The following RYR3 variants were observed in gnomAD, a reference collection of about 807,000 sequenced individuals.
The protein encoded by RYR3 is ryanodine receptor 3, also known as brain ryanodine receptor-calcium release channel.
In RYR3, 207 loss-of-function variants were observed where a neutral mutation model predicts 584.3. The ratio of observed to expected loss-of-function variants is 0.35; its 90% CI spans 0.32 to 0.40. The LOEUF (loss-of-function observed/expected upper bound fraction) is 0.40, where lower values mean the gene tolerates loss of function less well. RYR3 is among the 10% of genes least tolerant of loss of function. RYR3 has a pLI of 1.00. For missense variants in RYR3, 5,616 were observed against 6,089.2 expected, an observed-to-expected ratio of 0.92 and a Z score of 2.59; for synonymous variants, 2,416 against 2,248.5, an observed-to-expected ratio of 1.07 and a Z score of -2.11.
At position 33,311,188 on chromosome 15, in the gene RYR3, C is replaced by T. The variant is rs1305198604; in HGVS notation, c.51+92C>T. 13 of 997,138 alleles carry T rather than the reference C, an allele frequency of 1.3e-5. No individual in the cohort carries two copies. The highest frequency in any genetic ancestry group is 5.6e-5 in the South Asian group (2 of 35,984). 61.8% of individuals were successfully genotyped at this position (997,138 alleles called of 1,614,324 possible). ...GGCTGGCTGCGCTGCGCCGCGGTGC[C>T]GGGTGCCCGGTGCCGGGCGCTTTCT... On this transcript the variant is annotated intron_variant, in intron 1 of 103. Coordinates refer to ENST00000634891, the MANE Select transcript of RYR3 (RefSeq NM_001036.6). This position sits in a 1 kb window ranked among gnomAD's most constrained non-coding sequence, Gnocchi z 4.4.
At chr15:33,618,950 A>G (rs2060585203) in intron 19 of RYR3, among the ~76,000 whole-genome samples, 1 of 152,208 alleles carries the variant, frequency 6.6e-6, no homozygotes, top group Admixed American at 6.5e-5. Context: ...CTCAAAGACG[A>G]AGTTGAAAAT....
chr15:33,618,090 C>T (rs1293939239), intron 19 of RYR3, among the ~76,000 whole-genome samples: 1 of 152,074 alleles, frequency 6.6e-6, no homozygotes, highest in Admixed American at 6.6e-5. Flanking sequence ...ATATACACCC[C>T]ACAAGTGGCA....
intron 53 of RYR3, 111 bp downstream of exon 53, chr15:33,746,268 A>G: frequency 1.3e-6 from 1 of 782,004 alleles, no homozygotes; most frequent in Non-Finnish European, 2.2e-6. Context: ...CAACATCATC[A>G]TCTAGGACTC....
At chr15:33,585,412 G>A (rs2152522975) in intron 15 of RYR3, among the ~76,000 whole-genome samples, 1 of 152,242 alleles carries the variant, frequency 6.6e-6, no homozygotes, top group South Asian at 2.1e-4. Context: ...AGAGGCACTA[G>A]TTTTTCTTAA....
At chr15:33,360,176 C>T (rs1240496342) in intron 1 of RYR3, among the ~76,000 whole-genome samples, 2 of 152,030 alleles carry the variant, frequency 1.3e-5, no homozygotes, top group East Asian at 3.9e-4. Context: ...AAAAATAGTG[C>T]CCATTCAAAT....
At chr15:33,636,647 A>T in intron 27 of RYR3, 97 bp downstream of exon 27, 2 of 1,109,310 alleles carry the variant, frequency 1.8e-6, no homozygotes, top group Non-Finnish European at 2.6e-6. Context: ...TTCGGTCTAC[A>T]CTGTCCTTTG....
rs1458847317 is a variant in RYR3 at position 33,756,174 on chromosome 15, T to C, written c.8516-132T>C. On this transcript the variant is annotated intron_variant, in intron 58 of 103. Transcript: ENST00000634891. ...TAACCAGGACAGTTGTAAAGTACTT[T>C]GTAAGATATATTTTGTGAAATCAGA... The C allele has an allele frequency of 8.5e-6, 6 of 707,730 alleles. No individual in the cohort carries two copies. The African/African-American group carries it at 1.1e-4, about 13-fold the overall frequency. The allele number at this position is 707,730 out of a possible 1,614,324, so 43.8% of individuals were successfully genotyped here.
At chr15:33,377,149 A>G (rs2040811125) in intron 1 of RYR3, among the ~76,000 whole-genome samples, 2 of 152,236 alleles carry the variant, frequency 1.3e-5, no homozygotes, top group African/African-American at 4.8e-5. Context: ...CCTGAAGTAA[A>G]TTGGGTATTA....
chr15:33,350,673 C>A (rs1018018769), intron 1 of RYR3, among the ~76,000 whole-genome samples: 2 of 151,816 alleles, frequency 1.3e-5, no homozygotes, highest in African/African-American at 4.8e-5. Context: ...GGGTACATAA[C>A]GAAATGAAGG....
chr15:33,604,698 C>G (rs1461723384), intron 18 of RYR3, among the ~76,000 whole-genome samples: 1 of 152,100 alleles, frequency 6.6e-6, no homozygotes, highest in Non-Finnish European at 1.5e-5. Flanking sequence ...CTTAACCTTC[C>G]CTAATTCTTC....
At chr15:33,519,199 G>C (rs1443859133) in intron 3 of RYR3, among the ~76,000 whole-genome samples, 1 of 152,202 alleles carries the variant, frequency 6.6e-6, no homozygotes. Context: ...ATCTGGGGTT[G>C]ACAATGGTGG....
At chr15:33,464,501 T>TACATACAC (rs1388636079) in intron 1 of RYR3, among the ~76,000 whole-genome samples, 1 of 100,154 alleles carries the variant, frequency 1.0e-5, no homozygotes, top group East Asian at 2.1e-4. Context: ...CACATATATA[T>TACATACAC]ATACATACAC....
intron 12 of RYR3, among the ~76,000 whole-genome samples, chr15:33,577,271 A>G (rs11857828): frequency 0.18 from 27,713 of 152,186 alleles, 4,366 homozygotes; most frequent in African/African-American, 0.43. Context: ...AAACTACTTT[A>G]AAATTCATGT....
intron 1 of RYR3, among the ~76,000 whole-genome samples, chr15:33,433,598 G>A (rs1334002717): frequency 6.6e-6 from 1 of 152,142 alleles, no homozygotes; most frequent in East Asian, 1.9e-4. Context: ...AGAAGTAGCT[G>A]ATTTATATAT....
chr15:33,505,730 G>A lies in RYR3; in HGVS notation c.279+1992G>A, dbSNP rs368399125. On this transcript the variant is annotated intron_variant, in intron 3 of 103. Coordinates refer to ENST00000634891, the MANE Select transcript of RYR3 (RefSeq NM_001036.6). Reference sequence around the variant, plus strand: ...GATGGTCTTGATCTCCTGACCTCGTGATCTGCCCACCTTGGCCTTCCAAAG... The same window carrying A: ...GATGGTCTTGATCTCCTGACCTCGTAATCTGCCCACCTTGGCCTTCCAAAG... Among the ~76,000 whole-genome samples, 450 of 152,276 alleles carry A rather than the reference G, an allele frequency of 3.0e-3. 4 individuals carry two copies. The highest frequency in any genetic ancestry group is 0.01 in the African/African-American group (428 of 41,556).
Position 33,660,186 on chromosome 15 carries a change from A to G in RYR3, c.4396-11A>G. 1.3e-6 allele frequency: 2 copies of G among 1,541,096 alleles called. No homozygotes were observed. The highest frequency in any genetic ancestry group is 1.8e-6 in the Non-Finnish European group (2 of 1,137,930). On this transcript the variant is annotated splice_polypyrimidine_tract_variant and intron_variant, in intron 33 of 103. Transcript: ENST00000634891. ...GTGTTTCTTTTCCAATGCCTTTCCC[A>G]CGTGCCCCAGAACGCAATGCCCCTG...
chr15:33,593,125 A>G (rs139963949), intron 16 of RYR3, among the ~76,000 whole-genome samples: 305 of 152,330 alleles, frequency 2.0e-3, no homozygotes, highest in African/African-American at 7.1e-3. Context: ...AGGCAATCAG[A>G]TATGCATCTA....
chr15:33,860,406 A>AC, intron 100 of RYR3, among the ~76,000 whole-genome samples, 189 bp from the exon 101 acceptor site: 1 of 152,302 alleles, frequency 6.6e-6, no homozygotes, highest in South Asian at 2.1e-4. Flanking sequence ...GTAGAAAGGT[A>AC]GAGTTAGGAG....
chr15:33,773,104 C>T (rs563906284), intron 63 of RYR3, among the ~76,000 whole-genome samples: 2 of 152,290 alleles, frequency 1.3e-5, no homozygotes, highest in South Asian at 2.1e-4. Context: ...AGCAGTTGGA[C>T]GTATCTTCCT....
Sources: allele counts gnomAD v4.1 joint callset (sites outside exome capture counted in the v4.1 genomes callset), GRCh38; gene constraint gnomAD v4.1.1; non-coding constraint Gnocchi (gnomAD v3.1); transcripts MANE v1.5; gene names NCBI Gene and HGNC (gene_info 2026-07-23, HGNC 2026-07-21).